Variants in TLR7 observed in about 807,000 individuals in gnomAD.
TLR7 encodes the protein toll like receptor 7.
Under a neutral mutation model 38.3 loss-of-function variants are expected in TLR7, and 12 were observed. The observed-to-expected ratio is 0.31, with a 90% CI of 0.20 to 0.51. The LOEUF (loss-of-function observed/expected upper bound fraction) is 0.51, where lower values mean the gene tolerates loss of function less well. Among genes scored for constraint, TLR7 ranks in the 20% least tolerant of loss-of-function variants. The pLI is 0.98. For missense variants in TLR7, 504 were observed against 743.4 expected (o/e 0.68, Z 3.74); for synonymous variants, 285 against 293.8 (o/e 0.97, Z 0.31).
At chrX:12,878,788 C>T (rs779451405) in intron 2 of TLR7, among the ~76,000 whole-genome samples, 6 of 111,901 alleles carry the variant, frequency 5.4e-5, no homozygotes, top group African/African-American at 1.6e-4. Context: ...GAAGGCCACA[C>T]TCTTCAATCA....
intron 2 of TLR7, among the ~76,000 whole-genome samples, chrX:12,868,750 T>C (rs2042842223): frequency 8.9e-6 from 1 of 112,012 alleles, no homozygotes; most frequent in Admixed American, 9.5e-5. Context: ...AGACACATTC[T>C]AGATCCGAAT....
intron 2 of TLR7, among the ~76,000 whole-genome samples, chrX:12,881,510 T>TGAGTTATTTATTCTTTTTAATAAATAATA (rs2042891849): frequency 1.1e-5 from 1 of 89,561 alleles, no homozygotes; most frequent in Non-Finnish European, 2.3e-5. Context: ...AAATAATAAA[T>TGAGTTATTTATTCTTTTTAATAAATAATA]AACTGAGTTA....
At chrX:12,883,369 G>A (rs1300833283) in intron 2 of TLR7, among the ~76,000 whole-genome samples, 2 of 111,841 alleles carry the variant, frequency 1.8e-5, no homozygotes, top group South Asian at 3.7e-4. Context: ...GACTTCTAAC[G>A]GAGGGACTTG....
At chrX:12,870,845 T>C (rs2042850075) in intron 2 of TLR7, among the ~76,000 whole-genome samples, 1 of 112,363 alleles carries the variant, frequency 8.9e-6, no homozygotes, top group Non-Finnish European at 1.9e-5. Context: ...AGTTGGGTAG[T>C]GTGACAGAGA....
intron 2 of TLR7, among the ~76,000 whole-genome samples, chrX:12,870,808 T>C (rs2042849911): frequency 8.9e-6 from 1 of 112,747 alleles, no homozygotes; most frequent in African/African-American, 3.2e-5. Context: ...TAAGTGCTTT[T>C]GCACTACGAT....
At chrX:12,875,761 C>T (rs957890719) in intron 2 of TLR7, among the ~76,000 whole-genome samples, 7 of 111,988 alleles carry the variant, frequency 6.3e-5, no homozygotes, top group African/African-American at 1.6e-4. Flanking sequence ...GTGAGGCCTC[C>T]TCAGTCATGT....
In TLR7 at chrX:12,870,522, G is replaced by C. The variant is rs188542006; in HGVS notation, c.3+2941G>C. On this transcript the variant is annotated intron_variant, in intron 2 of 2. Transcript: ENST00000380659. ...ACTAAAATTAAAAATCATCATTACA[G>C]ATTAACCAGCCAGTACCTCTGCACC... 6.8e-4 allele frequency among the ~76,000 whole-genome samples: 76 copies of C among 111,825 alleles called. 1 individual carries two copies. Among genetic ancestry groups the C allele is most frequent in the African/African-American group, 2.4e-3 (75 of 30,813 alleles).
At chrX:12,873,566 G>A (rs958191613) in intron 2 of TLR7, among the ~76,000 whole-genome samples, 12 of 111,299 alleles carry the variant, frequency 1.1e-4, no homozygotes, top group African/African-American at 3.9e-4. Context: ...GATTTTAAAA[G>A]TTTTAATAAA....
Position 12,867,572 on chromosome X carries a change from A to G in TLR7, c.-7A>G. On this transcript the variant is annotated 5_prime_UTR_variant, in exon 2 of 3. Transcript: ENST00000380659. The stretch of plus-strand genomic sequence containing the variant: ...CCTCTACATTCCATTTTGGAAGAAG[A>G]CTAAAAATGGTAAGAACAGCTCAGA... The G allele has an allele frequency of 1.7e-6, 2 of 1,208,931 alleles. No individual in the cohort carries two copies. The highest frequency in any genetic ancestry group is 5.9e-5 in the East Asian group (2 of 33,789).
Position 12,887,497 on chromosome X carries a change from T to A in TLR7, c.1989T>A (p.Ser663Arg). 1 of 1,210,951 alleles carries A rather than the reference T, an allele frequency of 8.3e-7. No homozygotes were observed. The highest frequency in any genetic ancestry group is 1.1e-6 in the Non-Finnish European group (1 of 894,756). The part of the protein sequence containing the change: ...EELDISKNSL[S>R]FLPSGVFDGM... ...TAGACATCTCTAAAAATTCCCTAAG[T>A]TTCTTGCCTTCTGGAGTTTTTGATG... Residue 663 changes from serine to arginine, a missense_variant, in exon 3 of 3, where the codon AGT (serine) becomes AGA (arginine). Coordinates refer to ENST00000380659, the MANE Select transcript of TLR7 (RefSeq NM_016562.4).
At chrX:12,868,266 G>A (rs773965565) in intron 2 of TLR7, among the ~76,000 whole-genome samples, 1 of 111,745 alleles carries the variant, frequency 8.9e-6, no homozygotes, top group African/African-American at 3.3e-5. Flanking sequence ...GACAGGCCAG[G>A]GTGATCAGAC....
intron 2 of TLR7, among the ~76,000 whole-genome samples, chrX:12,870,914 G>A (rs925417006): frequency 1.8e-5 from 2 of 111,892 alleles, no homozygotes; most frequent in South Asian, 3.7e-4. Flanking sequence ...GAAAAAGTAC[G>A]TCAGGCCGGG....
At chrX:12,871,257 G>A (rs1402160304) in intron 2 of TLR7, among the ~76,000 whole-genome samples, 1 of 111,849 alleles carries the variant, frequency 8.9e-6, no homozygotes, top group Non-Finnish European at 1.9e-5. Context: ...ACAAATAGGG[G>A]ATATTTGTTA....
chrX:12,869,795 G>A (rs1602432763), intron 2 of TLR7, among the ~76,000 whole-genome samples: 1 of 80,017 alleles, frequency 1.2e-5, no homozygotes, highest in Non-Finnish European at 2.4e-5. Flanking sequence ...CGTGGACATG[G>A]AAAACTATTT....
intron 2 of TLR7, among the ~76,000 whole-genome samples, chrX:12,885,281 A>G (rs888833697): frequency 1.8e-5 from 2 of 112,485 alleles, no homozygotes; most frequent in African/African-American, 6.5e-5. Context: ...CTCGAAAGCT[A>G]TTTTGCTAAA....
In TLR7 at chrX:12,886,401, A is replaced by G. The variant is rs1191519671; in HGVS notation, c.893A>G (p.His298Arg). The G allele has an allele frequency of 2.5e-6, 3 of 1,211,854 alleles. No individual in the cohort carries two copies. The highest frequency in any genetic ancestry group is 3.4e-6 in the Non-Finnish European group (3 of 895,413). Residue 298 changes from histidine (H) to arginine (R), a missense_variant, in exon 3 of 3, where the codon CAC becomes CGC. His to Arg is a conservative substitution (Grantham distance 29, BLOSUM62 0). Transcript: ENST00000380659. ...ALTELKVLRLHSNSLQHVPPR... is the reference protein window; with the variant it reads ...ALTELKVLRLRSNSLQHVPPR... ...ACAGAATTAAAAGTTTTACGTCTAC[A>G]CAGTAACTCTCTTCAGCATGTGCCC...
chrX:12,868,660 G>A (rs2042841932), intron 2 of TLR7, among the ~76,000 whole-genome samples: 1 of 111,722 alleles, frequency 9.0e-6, no homozygotes, highest in Admixed American at 9.5e-5. Flanking sequence ...TGATGCAAGT[G>A]TGAGTTATTA....
At chrX:12,868,831 A>C (rs995062910) in intron 2 of TLR7, among the ~76,000 whole-genome samples, 3 of 111,953 alleles carry the variant, frequency 2.7e-5, no homozygotes, top group Non-Finnish European at 5.6e-5. Context: ...GTTACAAAGG[A>C]AACAACTGCT....
Position 12,868,645 on chromosome X carries a change from T to C in TLR7, c.3+1064T>C, listed in dbSNP as rs5743719. ...GACTATTTTTCAAGTCCTTTGCAAG[T>C]GGTATGATGCAAGTGTGAGTTATTA... On this transcript the variant is annotated intron_variant, in intron 2 of 2. Coordinates refer to ENST00000380659, the MANE Select transcript of TLR7 (RefSeq NM_016562.4). 6.5e-3 allele frequency among the ~76,000 whole-genome samples: 730 copies of C among 111,573 alleles called. 3 individuals are homozygous for C. The highest frequency in any genetic ancestry group is 0.012 in the Non-Finnish European group (610 of 53,040).
Sources: allele counts gnomAD v4.1 joint callset (sites outside exome capture counted in the v4.1 genomes callset), GRCh38; gene constraint gnomAD v4.1.1; transcripts MANE v1.5; gene names NCBI Gene and HGNC (gene_info 2026-07-23, HGNC 2026-07-21).